MED13L: variants seen among roughly 807,000 people sequenced by gnomAD.
MED13L encodes the protein mediator of RNA polymerase II transcription subunit 13-like.
A neutral mutation model predicts 220.9 loss-of-function variants in MED13L; 7 were observed. The observed-to-expected ratio is 0.03, with a 90% CI of 0.02 to 0.06. MED13L has a LOEUF of 0.06. Among genes scored for constraint, MED13L ranks in the 10% least tolerant of loss-of-function variants. MED13L has a pLI of 1.00. For synonymous variants in MED13L, 1,011 were observed against 1,015.2 expected (o/e 1.00, Z 0.08); for missense variants, 1,965 against 2,760.5 (o/e 0.71, Z 6.46).
rs546290312 is a variant in MED13L, at chr12:116,075,551, T to A, written c.479+21118A>T. Among the ~76,000 whole-genome samples the A allele has an allele frequency of 2.0e-5, 3 of 152,360 alleles. No homozygotes were observed. The East Asian group carries it at 5.8e-4, about 29-fold the overall frequency. On this transcript the variant is annotated intron_variant, in intron 4 of 30. Transcript: ENST00000281928. ...GACATAATTTATGTAAAGCATTTAT[T>A]AGCACAGTATCTCAAAAAATGCTAG...
At chr12:116,132,045 A>G (rs1238505081) in intron 2 of MED13L, among the ~76,000 whole-genome samples, 1 of 152,064 alleles carries the variant, frequency 6.6e-6, no homozygotes. Flanking sequence ...GTGGGAGGCC[A>G]AGGCGGGCGG....
chr12:116,016,569 TAA>T (rs958613456), intron 7 of MED13L, among the ~76,000 whole-genome samples: 1 of 152,122 alleles, frequency 6.6e-6, no homozygotes, highest in African/African-American at 2.4e-5. Flanking sequence ...ATGATATAGC[TAA>T]AGAGATCATA....
intron 2 of MED13L, among the ~76,000 whole-genome samples, chr12:116,167,174 A>T (rs953813829): frequency 5.3e-5 from 8 of 152,198 alleles, no homozygotes; most frequent in Non-Finnish European, 1.2e-4. Context: ...GGCAGAAAAG[A>T]AACTCTTCAA....
chr12:116,057,361 G>A (rs1300794930), intron 4 of MED13L, among the ~76,000 whole-genome samples: 1 of 151,978 alleles, frequency 6.6e-6, no homozygotes, highest in Non-Finnish European at 1.5e-5. Context: ...CAAATTTCCA[G>A]CAACCAAACT....
In MED13L at chr12:115,969,113, GA is replaced by G. The variant is rs35517594; in HGVS notation, c.6068-17del. Reference sequence around the variant, plus strand: ...AACATATCATCTAGAGGGAAGGGGGGAAAAAAAGCACAAAAATTAAAAAGAT... The same window carrying G: ...AACATATCATCTAGAGGGAAGGGGGGAAAAAAGCACAAAAATTAAAAAGAT... On this transcript the variant is annotated splice_polypyrimidine_tract_variant and intron_variant, in intron 27 of 30. Coordinates refer to ENST00000281928, the MANE Select transcript of MED13L (RefSeq NM_015335.5). 39 of 1,611,180 alleles carry G rather than the reference GA, an allele frequency of 2.4e-5. No homozygotes were observed. The highest frequency in any genetic ancestry group is 1.7e-4 in the Middle Eastern group (1 of 5,952).
intron 2 of MED13L, among the ~76,000 whole-genome samples, chr12:116,129,269 C>T (rs1457756199): frequency 2.0e-5 from 3 of 152,050 alleles, no homozygotes; most frequent in Admixed American, 6.5e-5. Flanking sequence ...AGACAGATTA[C>T]TAAAAATCCC....
At chr12:116,250,704 G>A (rs1206520075) in intron 1 of MED13L, among the ~76,000 whole-genome samples, 2 of 148,036 alleles carry the variant, frequency 1.4e-5, no homozygotes, top group African/African-American at 5.0e-5. Context: ...TTGAACCCAG[G>A]AGGCAGAGGT....
At chr12:116,116,981 T>C (rs773418192) in intron 2 of MED13L, among the ~76,000 whole-genome samples, 11 of 151,058 alleles carry the variant, frequency 7.3e-5, no homozygotes, top group Non-Finnish European at 1.2e-4. Context: ...TACTGTACTC[T>C]CACAACACAA....
At chr12:116,234,248 G>T (rs912978150) in intron 2 of MED13L, among the ~76,000 whole-genome samples, 1 of 129,962 alleles carries the variant, frequency 7.7e-6, no homozygotes, top group East Asian at 2.7e-4. Context: ...TTTATTTATT[G>T]AGATGGAGTC....
At chr12:115,977,253 C>T (rs1379244601) in intron 23 of MED13L, among the ~76,000 whole-genome samples, 2 of 152,204 alleles carry the variant, frequency 1.3e-5, no homozygotes, top group Non-Finnish European at 2.9e-5. Context: ...CCCTGAACTA[C>T]ACAGCATTAG....
At chr12:116,183,753 A>C (rs1412198377) in intron 2 of MED13L, among the ~76,000 whole-genome samples, 1 of 152,048 alleles carries the variant, frequency 6.6e-6, no homozygotes, top group African/African-American at 2.4e-5. Flanking sequence ...CAGGGAAAAA[A>C]TCAACATCAG....
chr12:116,180,218 A>T (rs897361717), intron 2 of MED13L, among the ~76,000 whole-genome samples: 2 of 152,182 alleles, frequency 1.3e-5, no homozygotes, highest in African/African-American at 4.8e-5. Context: ...TCCACAAACA[A>T]CATCCAGCCC....
intron 4 of MED13L, among the ~76,000 whole-genome samples, chr12:116,085,808 A>G (rs1363129779): frequency 6.6e-6 from 1 of 151,944 alleles, no homozygotes; most frequent in Non-Finnish European, 1.5e-5. Context: ...GAACAGCAGA[A>G]TAAACATGTT....
intron 1 of MED13L, among the ~76,000 whole-genome samples, chr12:116,273,226 C>G (rs1347921336): frequency 6.6e-6 from 1 of 152,058 alleles, no homozygotes; most frequent in Non-Finnish European, 1.5e-5. Context: ...ATCGCTAGAA[C>G]CTGGGAGGCA....
At position 116,231,915 on chromosome 12, in the gene MED13L, C is replaced by T. The variant is rs1869597957; in HGVS notation, c.310+5553G>A. 1.6e-5 allele frequency: 3 copies of T among 183,294 alleles called. No homozygotes were observed. In the Admixed American group the frequency reaches 2.0e-4, roughly 12 times the overall value. The allele number at this position is 183,294 out of a possible 1,614,324, so 11.4% of individuals were successfully genotyped here. ...GGAGTTATCTAAACAAAGGTTTTAT[C>T]AATCCCACCATTTGGAATTGTAGAC... On this transcript the variant is annotated intron_variant, in intron 2 of 30. Transcript: ENST00000281928.
At chr12:116,007,387 GAC>G in intron 11 of MED13L, 22 bp downstream of exon 11, 3 of 1,582,044 alleles carry the variant, frequency 1.9e-6, no homozygotes, top group Non-Finnish European at 2.6e-6. Context: ...CACCATGCTG[GAC>G]TCTCTCTCTG....
chr12:116,020,987 A>G (rs577711297), intron 5 of MED13L, among the ~76,000 whole-genome samples: 1 of 152,202 alleles, frequency 6.6e-6, no homozygotes, highest in Admixed American at 6.5e-5. Flanking sequence ...CAATGATCCA[A>G]ATGGGATAAA....
chr12:116,144,070 T>G (rs1877290360), intron 2 of MED13L, among the ~76,000 whole-genome samples: 1 of 152,136 alleles, frequency 6.6e-6, no homozygotes, highest in Non-Finnish European at 1.5e-5. Context: ...TTTGCCCCTG[T>G]GTTCCATACA....
chr12:116,139,122 G>A (rs140165733), intron 2 of MED13L, among the ~76,000 whole-genome samples: 109 of 152,266 alleles, frequency 7.2e-4, no homozygotes, highest in Admixed American at 2.4e-3. Context: ...AAACATAAAT[G>A]CACTTATATG....
Sources: allele counts gnomAD v4.1 joint callset (sites outside exome capture counted in the v4.1 genomes callset), GRCh38; gene constraint gnomAD v4.1.1; transcripts MANE v1.5; gene names NCBI Gene and HGNC (gene_info 2026-07-23, HGNC 2026-07-21).